The following ZNF229 variants were observed in gnomAD, a reference collection of about 807,000 sequenced individuals.
ZNF229 encodes the protein zinc finger protein 229.
Under a neutral mutation model 11.8 loss-of-function variants are expected in ZNF229, and 10 were observed. The observed-to-expected ratio is 0.85, with a 90% CI of 0.52 to 1.44. The LOEUF (loss-of-function observed/expected upper bound fraction) is 1.44, where lower values mean the gene tolerates loss of function less well. ZNF229 is among the 40% of genes most tolerant of loss of function. The probability of loss-of-function intolerance (pLI) is 0.00; values close to 1 mark genes in which losing one functional copy is unlikely to be tolerated. For synonymous variants in ZNF229, 368 were observed against 374.8 expected (o/e 0.98, Z 0.21); for missense variants, 1,045 against 1,015.1 (o/e 1.03, Z -0.40).
At chr19:44,446,587 C>G (rs2123387431) in intron 2 of ZNF229, among the ~76,000 whole-genome samples, 1 of 152,326 alleles carries the variant, frequency 6.6e-6, no homozygotes, top group South Asian at 2.1e-4. Context: ...CATCAATATA[C>G]TATTACCATT....
rs375435359 is a variant in ZNF229 at position 44,429,356 on chromosome 19, G to A, written c.1425C>T (p.His475=). 5 of 1,613,918 alleles carry A rather than the reference G, an allele frequency of 3.1e-6. No homozygotes were observed. Among genetic ancestry groups the A allele is most frequent in the African/African-American group, 2.7e-5 (2 of 74,868 alleles). ...ECGKGFSCSS[H]LSSHQKTHTG... is the part of the protein sequence containing the mutation. The stretch of plus-strand genomic sequence containing the variant: ...TGTGTGTCTTCTGATGACTGCTGAG[G>A]TGGGAGCTGCAGCTGAATCCCTTTC... Residue 475 remains histidine (H), a synonymous_variant, in exon 6 of 6, where the codon CAC becomes CAT. Coordinates refer to ENST00000614049, the MANE Select transcript of ZNF229 (RefSeq NM_014518.4).
At chr19:44,442,040 A>T (rs1315576737) in intron 4 of ZNF229, among the ~76,000 whole-genome samples, 1 of 152,248 alleles carries the variant, frequency 6.6e-6, no homozygotes, top group East Asian at 1.9e-4. Context: ...CCTGAACAAG[A>T]ATGCTCAGGT....
At chr19:44,437,091 T>C (rs974218405) in intron 4 of ZNF229, among the ~76,000 whole-genome samples, 3 of 152,266 alleles carry the variant, frequency 2.0e-5, no homozygotes, top group Admixed American at 1.3e-4. Context: ...AATGTCAACC[T>C]TATGTCATTT....
chr19:44,443,590 C>T (rs1971953628), intron 2 of ZNF229, among the ~76,000 whole-genome samples: 1 of 152,130 alleles, frequency 6.6e-6, no homozygotes, highest in Non-Finnish European at 1.5e-5. Flanking sequence ...ACTATTAAAA[C>T]TCTGCATGGC....
In ZNF229 at chr19:44,428,675, G is replaced by C. The variant is rs373616418; in HGVS notation, c.2106C>G (p.His702Gln). 1.2e-5 allele frequency: 19 copies of C among 1,610,166 alleles called. No homozygotes were observed. The highest frequency in any genetic ancestry group is 6.7e-5 in the Admixed American group (4 of 59,496). The change falls in exon 6 of 6, where the codon CAC becomes CAG. Residue 702 changes from histidine (H) to glutamine (Q), a missense_variant. Coordinates refer to ENST00000614049, the MANE Select transcript of ZNF229 (RefSeq NM_014518.4). ...GFSYGSNLRT[H>Q]QRLHTGEKPY... ...GTTTCTCTCCTGTGTGCAACCTCTG[G>C]TGGGTGCGAAGATTAGAGCCATAAC...
intron 4 of ZNF229, among the ~76,000 whole-genome samples, chr19:44,436,645 G>A (rs1971819611): frequency 1.3e-5 from 2 of 150,060 alleles, no homozygotes; most frequent in African/African-American, 2.5e-5. Context: ...TAGGTGTGAT[G>A]GCGCACCTGT....
chr19:44,436,287 G>C (rs939632453), intron 4 of ZNF229, among the ~76,000 whole-genome samples: 1 of 151,626 alleles, frequency 6.6e-6, no homozygotes, highest in African/African-American at 2.4e-5. Flanking sequence ...GTGGAAGCCT[G>C]GGGGTTCAAG....
Position 44,430,094 on chromosome 19 carries a change from A to C in ZNF229, c.687T>G (p.Val229=). 1.2e-6 allele frequency: 2 copies of C among 1,614,184 alleles called. No homozygotes were observed. Among genetic ancestry groups the C allele is most frequent in the East Asian group, 2.2e-5 (1 of 44,888 alleles). Residue 229 remains valine (V), a synonymous_variant, in exon 6 of 6, where the codon GTT becomes GTG. Coordinates refer to ENST00000614049, the MANE Select transcript of ZNF229 (RefSeq NM_014518.4). The stretch of plus-strand genomic sequence containing the variant: ...TGTCTATTTCAGGGAATCTGTGATC[A>C]ACATGACAAGATATCCAGCAAAAGC... ...DDSFCWISCH[V]DHRFPEIDKP... is the part of the protein sequence containing the mutation.
intron 2 of ZNF229, among the ~76,000 whole-genome samples, chr19:44,445,012 C>T (rs1231457144): frequency 6.6e-6 from 1 of 152,208 alleles, no homozygotes; most frequent in Non-Finnish European, 1.5e-5. Flanking sequence ...CTGCCATCTC[C>T]ACTCTTATGT....
rs985780088 is a variant in ZNF229 at position 44,426,768 on chromosome 19, A to G, written c.*1535T>C. The G allele has an allele frequency of 6.6e-6, 1 of 152,196 alleles. No homozygotes were observed. The highest frequency in any genetic ancestry group is 2.4e-5 in the African/African-American group (1 of 41,412). The allele number at this position is 152,196 out of a possible 1,614,324, so 9.4% of individuals were successfully genotyped here. A position where few individuals can be genotyped will look rare whatever the true frequency, so the allele number is the denominator to read the frequency against. ...ATCTCCCAAGTATCAATTACTACAT[A>G]TTTACTGCCACTTCAAAGGTTATAG... On this transcript the variant is annotated 3_prime_UTR_variant, in exon 6 of 6. Transcript: ENST00000614049.
Position 44,430,064 on chromosome 19 carries a change from C to T in ZNF229, c.717G>A (p.Pro239=), listed in dbSNP as rs544467928. The T allele has an allele frequency of 6.3e-5, 102 of 1,614,150 alleles. No individual in the cohort carries two copies. The highest frequency in any genetic ancestry group is 7.7e-5 in the Non-Finnish European group (91 of 1,180,034). ...VDHRFPEIDK[P]CGCNKCRKDC... is the part of the protein sequence containing the mutation. Reference sequence around the variant, plus strand: ...CTTTTCTGCATTTATTGCAACCACACGGCTTGTCTATTTCAGGGAATCTGT... The same window carrying T: ...CTTTTCTGCATTTATTGCAACCACATGGCTTGTCTATTTCAGGGAATCTGT... Residue 239 remains proline (P), a synonymous_variant, in exon 6 of 6, where the codon CCG becomes CCA. Transcript: ENST00000614049.
rs752881503 is a variant in ZNF229, at chr19:44,429,147, T to C, written c.1634A>G (p.Tyr545Cys). 2 of 1,613,998 alleles carry C rather than the reference T, an allele frequency of 1.2e-6. No individual in the cohort carries two copies. Among genetic ancestry groups the C allele is most frequent in the South Asian group, 1.1e-5 (1 of 91,076 alleles). The change falls in exon 6 of 6, where the codon TAC becomes TGC. Residue 545 changes from tyrosine (Y) to cysteine (C), a missense_variant. Coordinates refer to ENST00000614049, the MANE Select transcript of ZNF229 (RefSeq NM_014518.4). Reference protein sequence around the residue: ...HQRLHTGEKPYKCECGKSFGR... With the variant: ...HQRLHTGEKPCKCECGKSFGR... ...AAAGCTCTTCCCGCACTCGCATTTGTAGGGTTTCTCTCCTGTGTGCAGTCT... is the reference window on the plus strand; with the variant it reads ...AAAGCTCTTCCCGCACTCGCATTTGCAGGGTTTCTCTCCTGTGTGCAGTCT...
intron 5 of ZNF229, among the ~76,000 whole-genome samples, chr19:44,431,063 C>T (rs534125493): frequency 5.9e-5 from 9 of 152,220 alleles, no homozygotes; most frequent in East Asian, 3.9e-4. Context: ...GAAGCCCACA[C>T]GGCCTTCTCC....
rs748109044 is a variant in ZNF229, at chr19:44,429,301, A to G, written c.1480T>C (p.Cys494Arg). The part of the protein sequence containing the change: ...TGERPYQCDK[C>R]GKGFSHNSYL... ...GAGTTGTGACTGAAACCTTTGCCACACTTGTCACACTGGTAGGGCCTCTCG... is the reference window on the plus strand; with the variant it reads ...GAGTTGTGACTGAAACCTTTGCCACGCTTGTCACACTGGTAGGGCCTCTCG... Residue 494 changes from cysteine to arginine, a missense_variant, in exon 6 of 6, where the codon TGT becomes CGT. Transcript: ENST00000614049. 6.2e-7 allele frequency: 1 copy of G among 1,614,062 alleles called. No homozygotes were observed. Among genetic ancestry groups the G allele is most frequent in the Non-Finnish European group, 8.5e-7 (1 of 1,179,998 alleles).
chr19:44,431,470 G>A (rs562379392), intron 5 of ZNF229, among the ~76,000 whole-genome samples: 9 of 152,200 alleles, frequency 5.9e-5, no homozygotes, highest in South Asian at 2.1e-4. Flanking sequence ...CAATATTCTG[G>A]GACAGTCTCT....
At position 44,430,168 on chromosome 19, in the gene ZNF229, T is replaced by A. The variant is rs762626373; in HGVS notation, c.613A>T (p.Asn205Tyr). 6.2e-7 allele frequency: 1 copy of A among 1,613,994 alleles called. No homozygotes were observed. ...QLGDVQERCKNLDTEDTVYKC... is the reference protein window; with the variant it reads ...QLGDVQERCKYLDTEDTVYKC... ...TATACTGTGTCTTCTGTGTCGAGAT[T>A]TTTACATCTTTCTTGAACATCCCCT... The change falls in exon 6 of 6, where the codon AAT becomes TAT. Residue 205 changes from asparagine (N) to tyrosine (Y), a missense_variant. Asn to Tyr is a moderately radical substitution (Grantham distance 143). Coordinates refer to ENST00000614049, the MANE Select transcript of ZNF229 (RefSeq NM_014518.4).
In ZNF229 at chr19:44,428,259, T is replaced by C. The variant is rs1394488963; in HGVS notation, c.*44A>G. 2 of 1,543,800 alleles carry C rather than the reference T, an allele frequency of 1.3e-6. No homozygotes were observed. The highest frequency in any genetic ancestry group is 1.9e-5 in the Admixed American group (1 of 51,582). ...TTTTTCTCCTGTGTTGGCTCTCAGATGGATAGAAAGCTCTGAGTCCCAGAT... is the reference window on the plus strand; with the variant it reads ...TTTTTCTCCTGTGTTGGCTCTCAGACGGATAGAAAGCTCTGAGTCCCAGAT... On this transcript the variant is annotated 3_prime_UTR_variant, in exon 6 of 6. Transcript: ENST00000614049.
Position 44,429,165 on chromosome 19 carries a change from T to C in ZNF229, c.1616A>G (p.His539Arg). Residue 539 changes from histidine (H) to arginine (R), a missense_variant, in exon 6 of 6, where the codon CAC becomes CGC. By Grantham distance (29) the His-to-Arg change is conservative. Transcript: ENST00000614049. ...GCATTTGTAGGGTTTCTCTCCTGTG[T>C]GCAGTCTCTGATGCATGAGAAGCCC... Reference protein sequence around the residue: ...SSGLLMHQRLHTGEKPYKCEC... With the variant: ...SSGLLMHQRLRTGEKPYKCEC... 6.2e-7 allele frequency: 1 copy of C among 1,614,066 alleles called. No homozygotes were observed. The highest frequency in any genetic ancestry group is 8.5e-7 in the Non-Finnish European group (1 of 1,180,028).
intron 2 of ZNF229, among the ~76,000 whole-genome samples, chr19:44,445,943 ATG>A: frequency 6.6e-6 from 1 of 151,908 alleles, no homozygotes; most frequent in African/African-American, 2.4e-5. Context: ...GCTAAGGACT[ATG>A]CTGGCTGTGT....
Sources: allele counts gnomAD v4.1 joint callset (sites outside exome capture counted in the v4.1 genomes callset), GRCh38; gene constraint gnomAD v4.1.1; transcripts MANE v1.5; gene names NCBI Gene and HGNC (gene_info 2026-07-23, HGNC 2026-07-21).